The following TBC1D5 variants were observed in gnomAD, a reference collection of about 807,000 sequenced individuals.
TBC1D5 encodes the protein TBC1 domain family member 5.
Under a neutral mutation model 100.3 loss-of-function variants are expected in TBC1D5, and 75 were observed. The ratio of observed to expected loss-of-function variants is 0.75; its 90% CI spans 0.62 to 0.91. TBC1D5 has a LOEUF of 0.91. Among genes scored for constraint, TBC1D5 ranks in the 40% least tolerant of loss-of-function variants. The probability of loss-of-function intolerance (pLI) is 0.00; values close to 1 mark genes in which losing one functional copy is unlikely to be tolerated. For missense variants in TBC1D5, 910 were observed against 942.4 expected, an observed-to-expected ratio of 0.97 and a Z score of 0.45; for synonymous variants, 323 against 325.6, an observed-to-expected ratio of 0.99 and a Z score of 0.09.
chr3:17,165,773 TTAA>T (rs937683193), intron 21 of TBC1D5, among the ~76,000 whole-genome samples: 1 of 152,252 alleles, frequency 6.6e-6, no homozygotes, highest in African/African-American at 2.4e-5. Context: ...AAAAATATTA[TTAA>T]TAATTTAAAA....
At chr3:17,244,780 A>G (rs533145560) in intron 16 of TBC1D5, among the ~76,000 whole-genome samples, 55 of 152,268 alleles carry the variant, frequency 3.6e-4, no homozygotes, top group African/African-American at 1.2e-3. Context: ...CCATGCTTAT[A>G]GATATCAATC....
At chr3:17,525,038 G>C (rs2096114260) in intron 2 of TBC1D5, among the ~76,000 whole-genome samples, 1 of 151,946 alleles carries the variant, frequency 6.6e-6, no homozygotes, top group South Asian at 2.1e-4. Flanking sequence ...ATTTTGCTGT[G>C]TGTTAAAATT....
chr3:17,395,586 A>G (rs1045087629), intron 8 of TBC1D5, among the ~76,000 whole-genome samples: 1 of 152,120 alleles, frequency 6.6e-6, no homozygotes, highest in Non-Finnish European at 1.5e-5. Context: ...CCTTCTCATA[A>G]TCATATAAAT....
chr3:17,595,831 C>T (rs1406094820), intron 2 of TBC1D5, among the ~76,000 whole-genome samples: 2 of 152,190 alleles, frequency 1.3e-5, no homozygotes, highest in Non-Finnish European at 2.9e-5. Context: ...ACAATCCTGG[C>T]CAGTACTTCC....
intron 14 of TBC1D5, 64 bp from the exon 15 acceptor site, chr3:17,292,065 T>C (rs1470313908): frequency 2.2e-6 from 3 of 1,374,882 alleles, no homozygotes; most frequent in Non-Finnish European, 2.0e-6. Context: ...TTGCTGAGAA[T>C]ATAAAATCTA....
intron 2 of TBC1D5, among the ~76,000 whole-genome samples, chr3:17,595,687 A>G (rs1261875114): frequency 0.02 from 3 of 152 alleles, no homozygotes; most frequent in Non-Finnish European, 0.032. Flanking sequence ...TAAAGTCATT[A>G]GAAAAGCAAG....
intron 2 of TBC1D5, among the ~76,000 whole-genome samples, chr3:17,609,511 T>C (rs2061535034): frequency 6.6e-6 from 1 of 152,234 alleles, no homozygotes. Flanking sequence ...TGTCAGCTTC[T>C]GACTCTTTTT....
intron 19 of TBC1D5, among the ~76,000 whole-genome samples, chr3:17,170,160 C>T (rs922497800): frequency 5.3e-5 from 8 of 152,198 alleles, no homozygotes; most frequent in Admixed American, 2.0e-4. Flanking sequence ...TACAAGACTG[C>T]TATGGCTTTT....
chr3:17,553,914 T>C (rs2096494155), intron 2 of TBC1D5, among the ~76,000 whole-genome samples: 1 of 152,180 alleles, frequency 6.6e-6, no homozygotes, highest in African/African-American at 2.4e-5. Context: ...ATAGGGAACT[T>C]GTTGAATTTT....
intron 15 of TBC1D5, among the ~76,000 whole-genome samples, chr3:17,271,329 T>C (rs1054148078): frequency 6.6e-6 from 1 of 152,108 alleles, no homozygotes; most frequent in Non-Finnish European, 1.5e-5. Flanking sequence ...AGACCTTTCA[T>C]GTCCTTGGGA....
rs557477054 is a variant in TBC1D5 at position 17,731,481 on chromosome 3, G to A, written c.-101+7862C>T. ...AGATCGTGCCACTGCACTCCAGCCC[G>A]GCGACAAAGCAAGACTCTGTCTCAA... On this transcript the variant is annotated intron_variant, in intron 1 of 21. Coordinates refer to ENST00000253692, the Ensembl canonical transcript of TBC1D5. Among the ~76,000 whole-genome samples the A allele has an allele frequency of 8.3e-5, 12 of 144,686 alleles. 1 individual carries two copies. The South Asian group carries it at 1.3e-3, about 16-fold the overall frequency. 94.9% of individuals were successfully genotyped at this position (144,686 alleles called of 152,430 possible). A position where few individuals can be genotyped will look rare whatever the true frequency, so the allele number is the denominator to read the frequency against.
intron 1 of TBC1D5, among the ~76,000 whole-genome samples, chr3:17,652,482 A>G (rs4908992): frequency 0.52 from 78,345 of 151,916 alleles, 21,994 homozygotes; most frequent in East Asian, 0.98. Flanking sequence ...TTTCCTCTAC[A>G]TTGGGAGAAA....
chr3:17,680,824 C>T (rs1368553620), intron 1 of TBC1D5, among the ~76,000 whole-genome samples: 1 of 151,276 alleles, frequency 6.6e-6, no homozygotes, highest in African/African-American at 2.5e-5. Flanking sequence ...ACAGGGTCCC[C>T]TTTTTTGTTT....
At chr3:17,511,854 T>C (rs747855792) in intron 2 of TBC1D5, among the ~76,000 whole-genome samples, 36 of 152,016 alleles carry the variant, frequency 2.4e-4, no homozygotes, top group Non-Finnish European at 4.1e-4. Context: ...GTTTTTATAA[T>C]TAAATAAAGG....
Position 17,354,691 on chromosome 3 carries a change from A to G in TBC1D5, c.995+17384T>C, listed in dbSNP as rs371159167. Among the ~76,000 whole-genome samples the G allele has an allele frequency of 3.3e-5, 5 of 151,956 alleles. No homozygotes were observed. The East Asian group carries it at 9.6e-4, about 29-fold the overall frequency. The stretch of plus-strand genomic sequence containing the variant: ...ATGTGCAATCACTGTAATTTTTACA[A>G]CTAGAGGAAATATGAAAAAAGGAGT... On this transcript the variant is annotated intron_variant, in intron 13 of 21. Transcript: ENST00000253692.
intron 2 of TBC1D5, among the ~76,000 whole-genome samples, chr3:17,608,745 C>T (rs1185212557): frequency 6.6e-6 from 1 of 152,054 alleles, no homozygotes; most frequent in Non-Finnish European, 1.5e-5. Flanking sequence ...TTACAATAAA[C>T]TTTTAGTTGC....
At chr3:17,536,911 T>C (rs1230080638) in intron 2 of TBC1D5, among the ~76,000 whole-genome samples, 1 of 152,164 alleles carries the variant, frequency 6.6e-6, no homozygotes, top group Non-Finnish European at 1.5e-5. Flanking sequence ...AGTTTTGTTA[T>C]ACAGATGAGG....
At chr3:17,395,995 C>A (rs995304777) in intron 8 of TBC1D5, among the ~76,000 whole-genome samples, 2 of 151,976 alleles carry the variant, frequency 1.3e-5, no homozygotes, top group African/African-American at 4.8e-5. Flanking sequence ...GGACTACAGG[C>A]CATTTGACAG....
exon 1 of TBC1D5, chr3:17,740,893 C>A (rs1009709065): frequency 6.6e-6 from 1 of 152,168 alleles, no homozygotes; most frequent in Admixed American, 6.5e-5. Flanking sequence ...ATTCACAGAC[C>A]AGGTGATGCA....
Sources: allele counts gnomAD v4.1 joint callset (sites outside exome capture counted in the v4.1 genomes callset), GRCh38; gene constraint gnomAD v4.1.1; transcripts MANE v1.5; gene names NCBI Gene and HGNC (gene_info 2026-07-23, HGNC 2026-07-21).